Variants in FKBP1B observed in about 807,000 individuals in gnomAD.
FKBP1B encodes the protein peptidyl-prolyl cis-trans isomerase FKBP1B.
A neutral mutation model predicts 13.5 loss-of-function variants in FKBP1B; 4 were observed. The observed-to-expected ratio is 0.30, with a 90% CI of 0.15 to 0.68. FKBP1B has a LOEUF of 0.68. Ranked by LOEUF, FKBP1B falls within the 30% of genes least tolerant of loss-of-function variation. The pLI is 0.76. For synonymous variants in FKBP1B, 54 were observed against 53.6 expected (o/e 1.01, Z -0.03); for missense variants, 93 against 136.2 (o/e 0.68, Z 1.58).
chr2:24,038,145 A>G, the FKBP1B span: 3 of 1,614,242 alleles, frequency 1.9e-6, no homozygotes, highest in Non-Finnish European at 1.7e-6. Context: ...GAGCACTGAA[A>G]GTAGAGTAGG....
Position 24,060,911 on chromosome 2 carries a change from A to G in FKBP1B, c.183A>G (p.Glu61=), listed in dbSNP as rs146963692. The G allele has an allele frequency of 9.3e-6, 15 of 1,613,864 alleles. No homozygotes were observed. In the African/African-American group the frequency reaches 2.0e-4, roughly 22 times the overall value. The change falls in exon 3 of 4, where the codon GAA becomes GAG. Residue 61 remains glutamate (E), a synonymous_variant. Transcript: ENST00000380986. ...IGKQEVIKGF[E]EGAAQMSLGQ... Reference sequence around the variant, plus strand: ...AACAGGAAGTCATCAAAGGTTTTGAAGAGGGTGCAGCCCAGGTAGGATGAG... The same window carrying G: ...AACAGGAAGTCATCAAAGGTTTTGAGGAGGGTGCAGCCCAGGTAGGATGAG...
At chr2:24,036,065 A>AAAATAAT in the FKBP1B span, among the ~76,000 whole-genome samples, 2 of 140,404 alleles carry the variant, frequency 1.4e-5, no homozygotes, top group South Asian at 4.5e-4. Flanking sequence ...CTCCGTCTCA[A>AAAATAAT]AAATAAATAA....
chr2:24,039,970 T>C, the FKBP1B span, among the ~76,000 whole-genome samples: 15 of 152,138 alleles, frequency 9.9e-5, no homozygotes, highest in South Asian at 2.7e-3. Context: ...GCTAATTTTT[T>C]TTTTATTTTT....
In FKBP1B at chr2:24,060,917, T is replaced by A; in HGVS notation, c.189T>A (p.Gly63=). ...KQEVIKGFEE[G]AAQMSLGQRA... ...AAGTCATCAAAGGTTTTGAAGAGGG[T>A]GCAGCCCAGGTAGGATGAGGATTCG... is the stretch of plus-strand genomic sequence containing the variant. Residue 63 remains glycine (G), a synonymous_variant, in exon 3 of 4, where the codon GGT becomes GGA. Coordinates refer to ENST00000380986, the MANE Select transcript of FKBP1B (RefSeq NM_004116.5). The A allele has an allele frequency of 6.2e-7, 1 of 1,613,488 alleles. No homozygotes were observed.
intron 2 of FKBP1B, among the ~76,000 whole-genome samples, chr2:24,059,325 G>A (rs908546424): frequency 2.6e-5 from 4 of 151,300 alleles, no homozygotes; most frequent in African/African-American, 7.4e-5. Context: ...GGATGACAAG[G>A]CTTCTGAAGC....
At chr2:24,038,665 G>T in the FKBP1B span, 1 of 1,614,186 alleles carries the variant, frequency 6.2e-7, no homozygotes, top group Non-Finnish European at 8.5e-7. Flanking sequence ...TAAATAGGAA[G>T]AAGAAACTGA....
rs1014508218 is a variant in FKBP1B, at chr2:24,050,479, G to A, written c.37+593G>A. Reference sequence around the variant, plus strand: ...CCCTGGCCACCCTGTCCACTCCCATGGCCTCCACATTGAAGCTTCTAAGCC... The same window carrying A: ...CCCTGGCCACCCTGTCCACTCCCATAGCCTCCACATTGAAGCTTCTAAGCC... On this transcript the variant is annotated intron_variant, in intron 1 of 3. Coordinates refer to ENST00000380986, the MANE Select transcript of FKBP1B (RefSeq NM_004116.5). This position sits in a 1 kb window ranked among gnomAD's most constrained non-coding sequence, Gnocchi z 5.8. Among the ~76,000 whole-genome samples, 1 of 152,112 alleles carries A rather than the reference G, an allele frequency of 6.6e-6. No homozygotes were observed. The highest frequency in any genetic ancestry group is 2.4e-5 in the African/African-American group (1 of 41,436).
At chr2:24,034,057 T>C in the FKBP1B span, among the ~76,000 whole-genome samples, 1 of 152,394 alleles carries the variant, frequency 6.6e-6, no homozygotes, top group African/African-American at 2.4e-5. Flanking sequence ...GGGGAAACTA[T>C]TTCTTGCTTT....
At chr2:24,035,817 T>A in the FKBP1B span, among the ~76,000 whole-genome samples, 1 of 151,760 alleles carries the variant, frequency 6.6e-6, no homozygotes, top group South Asian at 2.1e-4. Context: ...ACACGTGTAA[T>A]CTCAGCACTC....
At chr2:24,060,707 A>T in intron 2 of FKBP1B, 107 bp from the exon 3 acceptor site, 1 of 748,838 alleles carries the variant, frequency 1.3e-6, no homozygotes, top group Non-Finnish European at 2.3e-6. Flanking sequence ...GGATCGGAAG[A>T]GGAGCAGGTG....
chr2:24,062,116 C>T (rs1664421111), intron 3 of FKBP1B, among the ~76,000 whole-genome samples: 1 of 152,100 alleles, frequency 6.6e-6, no homozygotes, highest in Admixed American at 6.6e-5. Flanking sequence ...CGTGATCTGC[C>T]CGCCTCAGCC....
upstream of FKBP1B, among the ~76,000 whole-genome samples, chr2:24,048,378 C>T (rs1233390502): frequency 6.8e-6 from 1 of 147,498 alleles, no homozygotes; most frequent in Non-Finnish European, 1.5e-5. Context: ...GACTGAGGCA[C>T]GAGAATCGCT....
chr2:24,056,563 C>T (rs994636325), intron 2 of FKBP1B, among the ~76,000 whole-genome samples: 6 of 152,034 alleles, frequency 3.9e-5, no homozygotes, highest in African/African-American at 1.4e-4. Flanking sequence ...AGGCTGGTCA[C>T]TGTGGTTTTG....
chr2:24,055,908 A>C (rs1664101704), intron 2 of FKBP1B, among the ~76,000 whole-genome samples: 1 of 152,210 alleles, frequency 6.6e-6, no homozygotes, highest in Non-Finnish European at 1.5e-5. Context: ...TCGTTGTGCC[A>C]GTTTCCACTC....
chr2:24,057,553 A>G (rs748387613), intron 2 of FKBP1B, among the ~76,000 whole-genome samples: 2 of 152,106 alleles, frequency 1.3e-5, no homozygotes, highest in Non-Finnish European at 2.9e-5. Context: ...TTGTATTTTT[A>G]GTAGAGACTG....
chr2:24,054,021 C>T, intron 2 of FKBP1B, 72 bp downstream of exon 2: 3 of 1,434,944 alleles, frequency 2.1e-6, no homozygotes, highest in Non-Finnish European at 2.0e-6. Context: ...GAGCTTCTCT[C>T]CAGAGGTGCC....
In FKBP1B at chr2:24,049,874, T is replaced by C; in HGVS notation, c.25T>C (p.Ser9Pro). 2.1e-6 allele frequency: 3 copies of C among 1,419,388 alleles called. No individual in the cohort carries two copies. Among genetic ancestry groups the C allele is most frequent in the Non-Finnish European group, 1.8e-6 (2 of 1,085,204 alleles). The allele number at this position is 1,419,388 out of a possible 1,614,324, so 87.9% of individuals were successfully genotyped here. ...TATGGGCGTGGAGATCGAGACCATC[T>C]CCCCCGGAGACGGTACCGGGCTCCC... MGVEIETI[S>P]PGDGRTFPKK... The change falls in exon 1 of 4, where the codon TCC (serine) becomes CCC (proline). Residue 9 changes from serine (S) to proline (P), a missense_variant. Physicochemically the swap from Ser to Pro is moderately conservative, Grantham distance 74. Transcript: ENST00000380986.
At chr2:24,049,284 G>T (rs1287100608), upstream of FKBP1B, among the ~76,000 whole-genome samples, 2 of 152,152 alleles carry the variant, frequency 1.3e-5, no homozygotes, top group African/African-American at 4.8e-5. Flanking sequence ...AAGAAGGATC[G>T]CTTGAGCCTA....
the FKBP1B span, among the ~76,000 whole-genome samples, chr2:24,037,167 C>T: frequency 2.0e-5 from 3 of 152,144 alleles, no homozygotes; most frequent in East Asian, 1.9e-4. Context: ...GGATTACAGG[C>T]GCCCATCACC....
Sources: allele counts gnomAD v4.1 joint callset (sites outside exome capture counted in the v4.1 genomes callset), GRCh38; gene constraint gnomAD v4.1.1; non-coding constraint Gnocchi (gnomAD v3.1); transcripts MANE v1.5; gene names NCBI Gene and HGNC (gene_info 2026-07-23, HGNC 2026-07-21).